Variants in SUN3 observed in about 807,000 individuals in gnomAD.
SUN3 encodes the protein SUN domain-containing protein 3.
Under a neutral mutation model 48.2 loss-of-function variants are expected in SUN3, and 36 were observed. The ratio of observed to expected loss-of-function variants is 0.75; its 90% CI spans 0.57 to 0.99. The LOEUF (loss-of-function observed/expected upper bound fraction) is 0.99. SUN3 is among the 50% of genes least tolerant of loss of function. The pLI, the probability that SUN3 is intolerant of heterozygous loss-of-function variation, is 0.00. For missense variants in SUN3, 419 were observed against 433.1 expected (o/e 0.97, Z 0.29); for synonymous variants, 148 against 147.9 (o/e 1.00, Z 0.00).
upstream of SUN3, among the ~76,000 whole-genome samples, chr7:48,032,934 A>C (rs1240062231): frequency 6.6e-6 from 1 of 152,246 alleles, no homozygotes; most frequent in Non-Finnish European, 1.5e-5. Context: ...GAAGGGCCAG[A>C]GGGCTTTGAA....
intron 2 of SUN3, among the ~76,000 whole-genome samples, chr7:48,023,757 A>G (rs1790063234): frequency 1.3e-5 from 2 of 152,340 alleles, no homozygotes; most frequent in East Asian, 1.9e-4. Flanking sequence ...ACCTAAATAA[A>G]TGGAAGGACA....
intron 1 of SUN3, among the ~76,000 whole-genome samples, chr7:48,026,824 A>C (rs1423566248): frequency 1.3e-5 from 2 of 152,166 alleles, no homozygotes; most frequent in African/African-American, 4.8e-5. Flanking sequence ...ATCCAGGAAG[A>C]GAGCCCTCGC....
chr7:48,013,993 T>C (rs1186100333), intron 3 of SUN3, among the ~76,000 whole-genome samples: 1 of 152,074 alleles, frequency 6.6e-6, no homozygotes, highest in Non-Finnish European at 1.5e-5. Flanking sequence ...TGAGACAGAG[T>C]CTTGCTTTAT....
At chr7:47,992,278 G>C (rs1390724085) in intron 8 of SUN3, among the ~76,000 whole-genome samples, 1 of 152,204 alleles carries the variant, frequency 6.6e-6, no homozygotes, top group East Asian at 1.9e-4. Flanking sequence ...GACGCTACCC[G>C]CAAGGGGGAA....
chr7:47,987,367 C>A lies in SUN3; in HGVS notation c.1037G>T (p.Arg346Leu). The A allele has an allele frequency of 2.5e-6, 4 of 1,611,936 alleles. No homozygotes were observed. The change falls in exon 10 of 10, where the codon CGA (arginine) becomes CTA (leucine). Residue 346 changes from arginine to leucine, a missense_variant. Arg to Leu is a moderately radical substitution (Grantham distance 102). Transcript: ENST00000297325. ...GCCTGGTGTGCCATGGACCCTGAAT[C>A]GATATAAACAAGTATACTTCGGGTG... ...WGHPKYTCLY[R>L]FRVHGTPGKH...
At chr7:48,025,349 G>A (rs893929453) in intron 2 of SUN3, among the ~76,000 whole-genome samples, 5 of 152,108 alleles carry the variant, frequency 3.3e-5, no homozygotes, top group Non-Finnish European at 7.3e-5. Flanking sequence ...CAATAACTGG[G>A]TTGAAACTTT....
intron 3 of SUN3, among the ~76,000 whole-genome samples, chr7:48,015,243 T>C (rs932259318): frequency 6.6e-6 from 1 of 152,206 alleles, no homozygotes. Context: ...TCTTAGTCTT[T>C]GATGTGAGAA....
upstream of SUN3, among the ~76,000 whole-genome samples, chr7:48,033,950 A>C (rs1384624539): frequency 6.6e-6 from 1 of 152,150 alleles, no homozygotes; most frequent in Non-Finnish European, 1.5e-5. Flanking sequence ...GCTACACCGG[A>C]GGCTGAGACA....
chr7:47,994,238 C>T (rs1789140742), intron 8 of SUN3, 77 bp downstream of exon 8: 2 of 1,410,076 alleles, frequency 1.4e-6, no homozygotes, highest in Non-Finnish European at 2.0e-6. Flanking sequence ...TGTCCTAGTT[C>T]AGAGGACAGC....
rs569913626 is a variant in SUN3, at chr7:48,006,652, G to T, written c.492+513C>A. Among the ~76,000 whole-genome samples, 29 of 152,340 alleles carry T rather than the reference G, an allele frequency of 1.9e-4. 1 individual carries two copies. The highest frequency in any genetic ancestry group is 7.0e-4 in the African/African-American group (29 of 41,572). On this transcript the variant is annotated intron_variant, in intron 5 of 9. Coordinates refer to ENST00000297325, the MANE Select transcript of SUN3 (RefSeq NM_001030019.2). ...TTCACAGTGACAAGGATGAAATGGG[G>T]TCTGGAGGGCGGCAGGTGGTCCATG...
intron 2 of SUN3, among the ~76,000 whole-genome samples, chr7:48,021,573 A>C (rs59222823): frequency 0.088 from 13,356 of 151,596 alleles, 1,975 homozygotes; most frequent in African/African-American, 0.31. Context: ...AAAAAAAAAA[A>C]AACAAACCTA....
At chr7:48,015,804 T>A (rs1456293718) in intron 3 of SUN3, among the ~76,000 whole-genome samples, 1 of 152,222 alleles carries the variant, frequency 6.6e-6, no homozygotes, top group Admixed American at 6.5e-5. Context: ...TGCTTCTAAC[T>A]TTTAAGCTGT....
At chr7:48,035,756 G>C in the SUN3 span, 4 of 583,506 alleles carry the variant, frequency 6.9e-6, no homozygotes, top group Non-Finnish European at 9.1e-6. This position sits in a 1 kb window ranked among gnomAD's most constrained non-coding sequence, Gnocchi z 4.0. Context: ...CCTTGTCGCC[G>C]GGTTGGGATG....
chr7:48,035,713 G>A, the SUN3 span: 2 of 588,444 alleles, frequency 3.4e-6, no homozygotes, highest in Middle Eastern at 4.4e-4. The surrounding 1 kb of genome is among the most constrained non-coding windows in gnomAD (Gnocchi z 4.0). Flanking sequence ...CGCAGTGCGG[G>A]CAGTGCGCGC....
At chr7:48,007,892 C>G (rs192994675) in intron 4 of SUN3, among the ~76,000 whole-genome samples, 8 of 150,740 alleles carry the variant, frequency 5.3e-5, no homozygotes, top group Non-Finnish European at 1.2e-4. Context: ...GGCGTGATCT[C>G]GGCTCACTGC....
the SUN3 span, chr7:48,035,722 G>C: frequency 3.4e-6 from 2 of 588,490 alleles, no homozygotes; most frequent in Non-Finnish European, 6.0e-6. The surrounding 1 kb of genome is among the most constrained non-coding windows in gnomAD (Gnocchi z 4.0). Flanking sequence ...GGCAGTGCGC[G>C]CCGGGGCTGG....
chr7:48,017,057 C>T (rs1373967681), intron 3 of SUN3, among the ~76,000 whole-genome samples: 3 of 152,216 alleles, frequency 2.0e-5, no homozygotes, highest in African/African-American at 7.2e-5. Flanking sequence ...CCTCTGAACA[C>T]TGTTACAATG....
chr7:48,035,316 C>T, the SUN3 span, among the ~76,000 whole-genome samples: 3 of 152,192 alleles, frequency 2.0e-5, no homozygotes, highest in Non-Finnish European at 2.9e-5. The surrounding 1 kb of genome is among the most constrained non-coding windows in gnomAD (Gnocchi z 4.0). Context: ...CGCTGCGTCC[C>T]GCCCGGTTCC....
intron 2 of SUN3, chr7:48,018,395 G>T (rs1264244213): frequency 1.3e-5 from 2 of 152,168 alleles, no homozygotes; most frequent in African/African-American, 4.8e-5. Flanking sequence ...GGAGGCCGAG[G>T]TGGGTGGATC....
Sources: allele counts gnomAD v4.1 joint callset (sites outside exome capture counted in the v4.1 genomes callset), GRCh38; gene constraint gnomAD v4.1.1; non-coding constraint Gnocchi (gnomAD v3.1); transcripts MANE v1.5; gene names NCBI Gene and HGNC (gene_info 2026-07-23, HGNC 2026-07-21).